SMIM35: variants seen among roughly 807,000 people sequenced by gnomAD.
SMIM35 encodes the protein TMPRSS4 antisense RNA 1 (non-protein coding).
At chr11:118,061,280 G>T (rs1437937485) in intron 1 of SMIM35, among the ~76,000 whole-genome samples, 1 of 152,232 alleles carries the variant, frequency 6.6e-6, no homozygotes, top group Non-Finnish European at 1.5e-5. Flanking sequence ...TCAAACCCCA[G>T]TTCTGAGAGT....
intron 1 of SMIM35, among the ~76,000 whole-genome samples, chr11:118,063,916 G>A (rs1296985272): frequency 2.0e-5 from 3 of 152,222 alleles, no homozygotes; most frequent in African/African-American, 7.2e-5. Context: ...GTAAAGGTAA[G>A]TGTTCTCCTA....
chr11:118,036,253 T>C (rs2058358763), intron 1 of SMIM35, among the ~76,000 whole-genome samples: 1 of 152,236 alleles, frequency 6.6e-6, no homozygotes, highest in South Asian at 2.1e-4. Context: ...CAGATCTAGA[T>C]ATACCCTTAC....
intron 1 of SMIM35, among the ~76,000 whole-genome samples, chr11:118,084,207 T>C (rs1945369659): frequency 6.6e-6 from 1 of 152,168 alleles, no homozygotes; most frequent in Non-Finnish European, 1.5e-5. Context: ...GTTCAATAAC[T>C]TGCTAAAGCC....
At chr11:118,070,961 G>T (rs1298628064) in intron 1 of SMIM35, among the ~76,000 whole-genome samples, 1 of 152,208 alleles carries the variant, frequency 6.6e-6, no homozygotes, top group Non-Finnish European at 1.5e-5. Flanking sequence ...CCCTGCCTGA[G>T]CCTCAGTTTA....
intron 4 of SMIM35, among the ~76,000 whole-genome samples, chr11:118,006,827 C>A (rs908497357): frequency 4.6e-5 from 7 of 152,190 alleles, no homozygotes; most frequent in Non-Finnish European, 1.0e-4. Flanking sequence ...GCAATTTTCA[C>A]CCTACAACTC....
intron 1 of SMIM35, among the ~76,000 whole-genome samples, chr11:118,018,764 C>T (rs2058203238): frequency 6.6e-6 from 1 of 152,186 alleles, no homozygotes; most frequent in Non-Finnish European, 1.5e-5. Context: ...TACACAGTGC[C>T]TTCTGACTTA....
At chr11:118,045,591 C>A (rs34475002) in intron 1 of SMIM35, among the ~76,000 whole-genome samples, 2,084 of 152,276 alleles carry the variant, frequency 0.014, 32 homozygotes, top group African/African-American at 0.042. Context: ...TGATTTTCAT[C>A]TTTTGCAATA....
At chr11:118,070,947 T>A (rs557365488) in intron 1 of SMIM35, among the ~76,000 whole-genome samples, 251 of 152,282 alleles carry the variant, frequency 1.6e-3, no homozygotes, top group African/African-American at 5.0e-3. Flanking sequence ...GACCTGGATC[T>A]CAACCCTGCC....
rs370043766 is a variant in SMIM35, at chr11:118,072,606, A to G, written c.7+14145T>C. On this transcript the variant is annotated intron_variant, in intron 1 of 4. Transcript: ENST00000689828. ...AGGAAATCAGGCAGGGAGGAGAGGA[A>G]GGAGGAAGGGAGCAGAGAGAGCTGT... 5.3e-5 allele frequency among the ~76,000 whole-genome samples: 8 copies of G among 152,228 alleles called. No individual in the cohort carries two copies. In the East Asian group the frequency reaches 1.3e-3, roughly 26 times the overall value.
intron 1 of SMIM35, among the ~76,000 whole-genome samples, chr11:118,023,835 C>A (rs894303022): frequency 1.3e-5 from 2 of 151,950 alleles, no homozygotes; most frequent in Admixed American, 6.6e-5. Context: ...GAGTTCCAGA[C>A]GAGCCTGGCC....
intron 1 of SMIM35, among the ~76,000 whole-genome samples, chr11:118,070,248 C>T (rs1229623163): frequency 1.3e-5 from 2 of 152,122 alleles, no homozygotes; most frequent in African/African-American, 4.8e-5. Flanking sequence ...GCGACCTCGG[C>T]TCACTGCAGC....
chr11:118,008,908 T>C (rs1253059662), intron 4 of SMIM35, among the ~76,000 whole-genome samples: 1 of 152,246 alleles, frequency 6.6e-6, no homozygotes, highest in East Asian at 1.9e-4. Flanking sequence ...GCATAGTTCC[T>C]GGCATGTTAT....
In SMIM35 at chr11:118,021,052, T is replaced by TTTTTTGTTTTGTTTTG. The variant is rs1555070956; in HGVS notation, c.8-5244_8-5243insCAAAACAAAACAAAAA. 6.6e-5 allele frequency among the ~76,000 whole-genome samples: 10 copies of TTTTTTGTTTTGTTTTG among 151,624 alleles called. No homozygotes were observed. The East Asian group carries it at 1.6e-3, about 24-fold the overall frequency. The stretch of plus-strand genomic sequence containing the variant: ...TTCCAAATTCACAGGGTAAGGTTTT[T>TTTTTTGTTTTGTTTTG]TTTTTTACTATTTATTAAGATGGAC... On this transcript the variant is annotated intron_variant, in intron 1 of 4. Coordinates refer to ENST00000689828, the MANE Select transcript of SMIM35 (RefSeq NM_001394165.1).
intron 1 of SMIM35, among the ~76,000 whole-genome samples, chr11:118,054,165 TTTTG>T: frequency 5.0e-5 from 5 of 100,184 alleles, no homozygotes; most frequent in Non-Finnish European, 6.9e-5. Flanking sequence ...GATTTTTTTG[TTTTG>T]TTTTTTTGTT....
chr11:118,007,713 C>G (rs1420952441), intron 4 of SMIM35, among the ~76,000 whole-genome samples: 1 of 151,878 alleles, frequency 6.6e-6, no homozygotes, highest in African/African-American at 2.4e-5. Context: ...ACTTCTTATA[C>G]TGCTCACCAT....
chr11:118,026,706 C>A (rs1231671467), intron 1 of SMIM35, among the ~76,000 whole-genome samples: 1 of 152,170 alleles, frequency 6.6e-6, no homozygotes, highest in Non-Finnish European at 1.5e-5. Flanking sequence ...GTGGCTCATG[C>A]CTGTAATCCT....
chr11:118,044,293 C>A (rs1405018227), intron 1 of SMIM35, among the ~76,000 whole-genome samples: 1 of 141,288 alleles, frequency 7.1e-6, no homozygotes, highest in Non-Finnish European at 1.5e-5. Context: ...AAATCTTAGT[C>A]ACTGAGAAGT....
intron 1 of SMIM35, among the ~76,000 whole-genome samples, chr11:118,030,850 G>A (rs1261950330): frequency 6.6e-6 from 1 of 152,044 alleles, no homozygotes; most frequent in African/African-American, 2.4e-5. Flanking sequence ...GCAGTGTTAG[G>A]GGTTATGGCC....
chr11:118,065,594 C>T (rs1944461606), intron 1 of SMIM35, among the ~76,000 whole-genome samples: 1 of 152,168 alleles, frequency 6.6e-6, no homozygotes. Context: ...AACTTTGTAA[C>T]TTCACTTCAA....
Sources: allele counts gnomAD v4.1 joint callset (sites outside exome capture counted in the v4.1 genomes callset), GRCh38; gene constraint gnomAD v4.1.1; transcripts MANE v1.5; gene names NCBI Gene and HGNC (gene_info 2026-07-23, HGNC 2026-07-21).